SYTL2: variants seen among roughly 807,000 people sequenced by gnomAD.
The protein encoded by SYTL2 is synaptotagmin like 2.
A neutral mutation model predicts 198.7 loss-of-function variants in SYTL2; 165 were observed. That is an observed-to-expected ratio of 0.83 (90% CI 0.73 to 0.94). The LOEUF (loss-of-function observed/expected upper bound fraction) is 0.94. Ranked by LOEUF, SYTL2 falls within the 40% of genes least tolerant of loss-of-function variation. The probability of loss-of-function intolerance (pLI) is 0.00; values close to 1 mark genes in which losing one functional copy is unlikely to be tolerated. For synonymous variants in SYTL2, 966 were observed against 917.7 expected, an observed-to-expected ratio of 1.05 and a Z score of -0.95; for missense variants, 2,835 against 2,582.8, an observed-to-expected ratio of 1.10 and a Z score of -2.12.
At chr11:85,825,998 T>C in the SYTL2 span, among the ~76,000 whole-genome samples, 97 of 152,292 alleles carry the variant, frequency 6.4e-4, no homozygotes, top group Middle Eastern at 3.4e-3. Context: ...TGTGTACTAA[T>C]AAGTGAAAAA....
In SYTL2 at chr11:85,711,159, G is replaced by A. The variant is rs2153424717; in HGVS notation, c.5699C>T (p.Ser1900Phe). 2 of 1,614,126 alleles carry A rather than the reference G, an allele frequency of 1.2e-6. No individual in the cohort carries two copies. The highest frequency in any genetic ancestry group is 4.5e-5 in the East Asian group (2 of 44,886). The change falls in exon 13 of 20, where the codon TCT becomes TTT. Residue 1900 changes from serine (S) to phenylalanine (F), a missense_variant. By Grantham distance (155) the Ser-to-Phe change is radical. Around this residue, in one of 3 missense-constraint regions of SYTL2, gnomAD observed 2,645 missense variants for 2,381.7 expected, o/e 1.11. Transcript: ENST00000359152. ...QLSRHKKSPS[S>F]LTNLSSSSGM... ...AGAGGAGCTGCTAAGATTGGTTAAA[G>A]AGCTCGGGCTCTTCTTGTGTCTGCT...
chr11:85,737,736 A>G (rs2090465293), intron 4 of SYTL2, 80 bp from the exon 5 acceptor site: 1 of 1,178,592 alleles, frequency 8.5e-7, no homozygotes, highest in Non-Finnish European at 1.2e-6. Flanking sequence ...GTGGAAAGCT[A>G]TCAGCAGGCT....
chr11:85,834,833 C>A, the SYTL2 span, among the ~76,000 whole-genome samples: 1 of 151,672 alleles, frequency 6.6e-6, no homozygotes, highest in Admixed American at 6.6e-5. Context: ...ACAATCAGCT[C>A]ACCATAACCT....
rs112853736 is a variant in SYTL2, at chr11:85,702,868, T to C, written c.6189+1990A>G. Among the ~76,000 whole-genome samples the C allele has an allele frequency of 1.2e-3, 177 of 152,356 alleles. 1 individual carries two copies. Among genetic ancestry groups the C allele is most frequent in the African/African-American group, 3.7e-3 (152 of 41,582 alleles). On this transcript the variant is annotated intron_variant, in intron 16 of 19. Transcript: ENST00000359152. The stretch of plus-strand genomic sequence containing the variant: ...CAAATGTTTAAGATACTGGAATTTT[T>C]AAGTACATACATTAAATAACTTTGC...
intron 1 of SYTL2, among the ~76,000 whole-genome samples, chr11:85,799,910 T>G (rs2092859871): frequency 6.6e-6 from 1 of 152,246 alleles, no homozygotes; most frequent in Non-Finnish European, 1.5e-5. Context: ...CTCTTGCCTC[T>G]AAATCTGATA....
the SYTL2 span, among the ~76,000 whole-genome samples, chr11:85,833,119 G>GAAGGAAGGAAGGAAGGA: frequency 1.1e-5 from 1 of 92,794 alleles, no homozygotes; most frequent in East Asian, 2.4e-4. Flanking sequence ...AGGAAGGAAG[G>GAAGGAAGGAAGGAAGGA]AAGGAAGGAA....
chr11:85,802,146 C>T (rs1416388999), intron 1 of SYTL2, among the ~76,000 whole-genome samples: 1 of 151,866 alleles, frequency 6.6e-6, no homozygotes, highest in African/African-American at 2.4e-5. Context: ...TCTCTCCCTG[C>T]CTCCATGGCT....
At chr11:85,823,482 GA>G in the SYTL2 span, among the ~76,000 whole-genome samples, 1 of 152,198 alleles carries the variant, frequency 6.6e-6, no homozygotes, top group Non-Finnish European at 1.5e-5. Flanking sequence ...GGACTTGAAA[GA>G]AGGTAAAGAT....
At chr11:85,761,594 C>T (rs963250379) in intron 1 of SYTL2, among the ~76,000 whole-genome samples, 5 of 152,192 alleles carry the variant, frequency 3.3e-5, no homozygotes, top group African/African-American at 1.2e-4. Flanking sequence ...CAAACATTTA[C>T]TTGGTCCCTT....
rs1237529848 is a variant in SYTL2, at chr11:85,727,488, G to A, written c.1870C>T (p.Pro624Ser). The change falls in exon 8 of 20, where the codon CCA becomes TCA. Residue 624 changes from proline (P) to serine (S), a missense_variant. Coordinates refer to ENST00000359152, the MANE Select transcript of SYTL2 (RefSeq NM_206927.4). The stretch of plus-strand genomic sequence containing the variant: ...TGCAATATACCTGGGCCTTCCTTTG[G>A]GGTGCCTTTTTGGGACAAATTCATG... Reference protein sequence around the residue: ...KFMNLSQKGTPKEGPGILQPF... With the variant: ...KFMNLSQKGTSKEGPGILQPF... 6.5e-7 allele frequency: 1 copy of A among 1,535,954 alleles called. No individual in the cohort carries two copies. Among genetic ancestry groups the A allele is most frequent in the Admixed American group, 2.0e-5 (1 of 50,952 alleles).
chr11:85,739,048 T>C (rs936099604), intron 4 of SYTL2, among the ~76,000 whole-genome samples: 3 of 152,322 alleles, frequency 2.0e-5, no homozygotes, highest in South Asian at 2.1e-4. Context: ...ATGTATTTCA[T>C]GTCTACTATG....
Position 85,704,856 on chromosome 11 carries a change from A to C in SYTL2, c.6189+2T>G. The C allele has an allele frequency of 6.2e-7, 1 of 1,611,148 alleles. No individual in the cohort carries two copies. The highest frequency in any genetic ancestry group is 8.5e-7 in the Non-Finnish European group (1 of 1,178,226). ...TAAACAAACAAAAAATTCCGGACTCACCTTCCGCTTCAGAGGGTACCATCT... is the reference window on the plus strand; with the variant it reads ...TAAACAAACAAAAAATTCCGGACTCCCCTTCCGCTTCAGAGGGTACCATCT... On this transcript the variant is annotated splice_donor_variant, in intron 16 of 19. Coordinates refer to ENST00000359152, the MANE Select transcript of SYTL2 (RefSeq NM_206927.4). LOFTEE classifies it high-confidence loss of function.
rs192542619 is a variant in SYTL2, at chr11:85,771,069, A to G, written c.-389-12955T>C. On this transcript the variant is annotated intron_variant, in intron 1 of 19. Coordinates refer to ENST00000359152, the MANE Select transcript of SYTL2 (RefSeq NM_206927.4). ...AATTATTCAATAACTAACATTTTGT[A>G]ACTTATAGATATATCAAATTCCCAC... Among the ~76,000 whole-genome samples the G allele has an allele frequency of 3.3e-5, 5 of 152,362 alleles. No individual in the cohort carries two copies. The East Asian group carries it at 9.6e-4, about 29-fold the overall frequency.
In SYTL2 at chr11:85,733,925, G is replaced by A. The variant is rs761579029; in HGVS notation, c.1390+14C>T. 1.2e-6 allele frequency: 2 copies of A among 1,610,996 alleles called. No homozygotes were observed. Among genetic ancestry groups the A allele is most frequent in the Non-Finnish European group, 1.7e-6 (2 of 1,177,776 alleles). On this transcript the variant is annotated intron_variant, in intron 7 of 19. Coordinates refer to ENST00000359152, the MANE Select transcript of SYTL2 (RefSeq NM_206927.4). ...CACCAAGTTTTTATAATCTAGTAGTGACAACTCTCTTACCAGCAGGGCTTC... is the reference window on the plus strand; with the variant it reads ...CACCAAGTTTTTATAATCTAGTAGTAACAACTCTCTTACCAGCAGGGCTTC...
intron 1 of SYTL2, among the ~76,000 whole-genome samples, chr11:85,767,858 C>T (rs1351642859): frequency 2.0e-5 from 3 of 152,220 alleles, no homozygotes; most frequent in South Asian, 2.1e-4. Flanking sequence ...ACAATTTAAC[C>T]GGTTCTCTCC....
At chr11:85,718,605 C>A in intron 10 of SYTL2, 185 bp downstream of exon 10, 2 of 602,506 alleles carry the variant, frequency 3.3e-6, no homozygotes, top group Non-Finnish European at 5.9e-6. Context: ...CCAGAAGAAG[C>A]CTTAAGAATA....
intron 5 of SYTL2, 25 bp downstream of exon 5, chr11:85,737,550 T>G: frequency 6.3e-7 from 1 of 1,587,908 alleles, no homozygotes; most frequent in Non-Finnish European, 8.6e-7. Flanking sequence ...AAATACAAGA[T>G]TTTCAAAATC....
At chr11:85,797,198 C>G (rs2092816363) in intron 1 of SYTL2, among the ~76,000 whole-genome samples, 2 of 152,242 alleles carry the variant, frequency 1.3e-5, no homozygotes, top group South Asian at 4.1e-4. Context: ...TTCAGTTCTT[C>G]TGAATTATAG....
chr11:85,833,625 T>C, the SYTL2 span, among the ~76,000 whole-genome samples: 2 of 151,342 alleles, frequency 1.3e-5, no homozygotes, highest in Admixed American at 6.6e-5. Flanking sequence ...TAAGAAAACC[T>C]CACACATAAA....
Sources: gnomAD v4.1 joint callset for allele counts (sites outside exome capture counted in the v4.1 genomes callset) on GRCh38, gnomAD v4.1.1 for gene constraint, gnomAD v4.1.1 regional missense constraint, MANE v1.5 for transcripts, NCBI Gene and HGNC (gene_info 2026-07-23, HGNC 2026-07-21) for gene names.